Variants in SLF2 observed in about 807,000 individuals in gnomAD.
SLF2 encodes the protein SMC5-SMC6 complex localization factor protein 2.
A neutral mutation model predicts 124.3 loss-of-function variants in SLF2; 68 were observed. The observed-to-expected ratio is 0.55, with a 90% CI of 0.45 to 0.67. The LOEUF (loss-of-function observed/expected upper bound fraction) is 0.67. Ranked by LOEUF, SLF2 falls within the 30% of genes least tolerant of loss-of-function variation. SLF2 has a pLI of 0.00. For synonymous variants in SLF2, 480 were observed against 478.8 expected, an observed-to-expected ratio of 1.00 and a Z score of -0.03; for missense variants, 1,246 against 1,373.7, an observed-to-expected ratio of 0.91 and a Z score of 1.47.
chr10:100,957,330 A>ATATTTTTTT (rs1850349651), intron 18 of SLF2, among the ~76,000 whole-genome samples: 1 of 91,830 alleles, frequency 1.1e-5, no homozygotes, highest in African/African-American at 6.4e-5. Flanking sequence ...GGAGTCTTCA[A>ATATTTTTTT]TTTTTTTTTT....
intron 19 of SLF2, among the ~76,000 whole-genome samples, chr10:100,961,054 G>A (rs1046349807): frequency 6.3e-5 from 7 of 110,970 alleles, no homozygotes; most frequent in African/African-American, 2.4e-4. Flanking sequence ...CTGTCACCCA[G>A]CCTGGAGTGC....
intron 4 of SLF2, among the ~76,000 whole-genome samples, chr10:100,921,505 A>G (rs967405048): frequency 1.3e-5 from 2 of 152,250 alleles, no homozygotes; most frequent in African/African-American, 4.8e-5. Flanking sequence ...GGATACAAAA[A>G]GAATTATGAA....
At position 100,961,905 on chromosome 10, in the gene SLF2, A is replaced by G; in HGVS notation, c.3515A>G (p.Asp1172Gly). The G allele has an allele frequency of 6.2e-7, 1 of 1,608,756 alleles. No individual in the cohort carries two copies. Among genetic ancestry groups the G allele is most frequent in the Admixed American group, 1.7e-5 (1 of 59,894 alleles). The change falls in exon 20 of 20, where the codon GAT becomes GGT. Residue 1172 changes from aspartate to glycine, a missense_variant. Physicochemically the swap from Asp to Gly is moderately conservative, Grantham distance 94 (BLOSUM62 -1). Coordinates refer to ENST00000238961, the MANE Select transcript of SLF2 (RefSeq NM_018121.4). ...QGQLHDFWVP[D>G]S ...CAGCTTCATGACTTCTGGGTACCAGATTCTTAATAGGAGTTGCAGCAGCAA... is the reference window on the plus strand; with the variant it reads ...CAGCTTCATGACTTCTGGGTACCAGGTTCTTAATAGGAGTTGCAGCAGCAA...
intron 17 of SLF2, among the ~76,000 whole-genome samples, chr10:100,955,259 A>C (rs1319608077): frequency 2.0e-5 from 3 of 152,122 alleles, no homozygotes; most frequent in Non-Finnish European, 2.9e-5. Context: ...TCTTAAAAAA[A>C]AAAAAAGTCA....
intron 4 of SLF2, among the ~76,000 whole-genome samples, chr10:100,919,029 T>TTTC (rs1849476432): frequency 1.7e-5 from 2 of 118,830 alleles, no homozygotes; most frequent in African/African-American, 6.1e-5. Context: ...TTTTTTTTTT[T>TTTC]TGAGACAGAG....
chr10:100,921,636 C>T (rs1411939195), intron 4 of SLF2, among the ~76,000 whole-genome samples: 1 of 152,218 alleles, frequency 6.6e-6, no homozygotes, highest in Non-Finnish European at 1.5e-5. Flanking sequence ...TTATCCTAAA[C>T]ATCTTCCACA....
At chr10:100,932,875 G>A (rs1849772050) in intron 9 of SLF2, among the ~76,000 whole-genome samples, 1 of 66,198 alleles carries the variant, frequency 1.5e-5, no homozygotes, top group Non-Finnish European at 4.8e-5. Flanking sequence ...TGCGGTTAAG[G>A]TAAGATCCAA....
intron 15 of SLF2, among the ~76,000 whole-genome samples, chr10:100,948,059 G>A (rs1850138557): frequency 6.6e-6 from 1 of 152,184 alleles, no homozygotes; most frequent in African/African-American, 2.4e-5. Flanking sequence ...CACTTAGGGT[G>A]GTTGTGGACA....
At position 100,964,133 on chromosome 10, in the gene SLF2, C is replaced by G. The variant is rs1850471144; in HGVS notation, c.*2221C>G. On this transcript the variant is annotated 3_prime_UTR_variant, in exon 20 of 20. Transcript: ENST00000238961. ...AAGTATTTTACTTCTCCCTTGAGTCCCCATGCTTTGTCTCCCTCCTGCTGC... is the reference window on the plus strand; with the variant it reads ...AAGTATTTTACTTCTCCCTTGAGTCGCCATGCTTTGTCTCCCTCCTGCTGC... 1 of 152,552 alleles carries G rather than the reference C, an allele frequency of 6.6e-6. No homozygotes were observed. Among genetic ancestry groups the G allele is most frequent in the South Asian group, 2.1e-4 (1 of 4,822 alleles). 9.4% of individuals were successfully genotyped at this position (152,552 alleles called of 1,614,324 possible). A position where few individuals can be genotyped will look rare whatever the true frequency, so the allele number is the denominator to read the frequency against.
chr10:100,958,666 T>C (rs1850374909), intron 18 of SLF2, among the ~76,000 whole-genome samples: 2 of 152,208 alleles, frequency 1.3e-5, no homozygotes, highest in South Asian at 4.1e-4. Flanking sequence ...ATAGAAAAGT[T>C]GGTGATTGTT....
chr10:100,913,510 A>G (rs1849361054), intron 1 of SLF2: 2 of 1,253,000 alleles, frequency 1.6e-6, no homozygotes, highest in South Asian at 3.2e-5. Flanking sequence ...AGGTAGAAAG[A>G]AAGTGATTTT....
intron 3 of SLF2, 110 bp from the exon 4 acceptor site, chr10:100,918,274 G>A: frequency 1.8e-6 from 1 of 570,716 alleles, no homozygotes; most frequent in East Asian, 3.0e-5. Context: ...TCCAAATATG[G>A]GTGCTTGCCT....
chr10:100,940,771 T>TCCCCTGCCCCTGCTCCTG (rs1849957739), intron 11 of SLF2, among the ~76,000 whole-genome samples: 1 of 81,434 alleles, frequency 1.2e-5, no homozygotes, highest in Non-Finnish European at 2.3e-5. Context: ...TTCTCCCCCT[T>TCCCCTGCCCCTGCTCCTG]CCCCTGCCCC....
rs1253192831 is a variant in SLF2 at position 100,963,724 on chromosome 10, TAC to T, written c.*1814_*1815del. ...AATACTGCTTATATTGCTTGTAATT[TAC>T]AGTGTGTAAATATTTTCTAATTGTG... On this transcript the variant is annotated 3_prime_UTR_variant, in exon 20 of 20. Coordinates refer to ENST00000238961, the MANE Select transcript of SLF2 (RefSeq NM_018121.4). 6.6e-6 allele frequency: 1 copy of T among 152,632 alleles called. No individual in the cohort carries two copies. Among genetic ancestry groups the T allele is most frequent in the Non-Finnish European group, 1.5e-5 (1 of 68,036 alleles). The allele number at this position is 152,632 out of a possible 1,614,324, so 9.5% of individuals were successfully genotyped here.
chr10:100,955,031 C>T (rs2133827891), intron 17 of SLF2, among the ~76,000 whole-genome samples: 1 of 151,746 alleles, frequency 6.6e-6, no homozygotes, highest in South Asian at 2.1e-4. Flanking sequence ...GCTCTGCCTC[C>T]CGGGTACACG....
intron 1 of SLF2, chr10:100,913,691 T>C: frequency 1.0e-6 from 1 of 1,001,150 alleles, no homozygotes. Context: ...ACGAATTACT[T>C]TGTAGTCCAG....
At chr10:100,915,890 C>T (rs1849404068) in intron 1 of SLF2, 109 bp from the exon 2 acceptor site, 2 of 871,710 alleles carry the variant, frequency 2.3e-6, no homozygotes, top group African/African-American at 1.7e-5. Context: ...CTTTATTAAA[C>T]CAAATAGTGA....
chr10:100,936,042 G>T (rs1364873319), intron 9 of SLF2, among the ~76,000 whole-genome samples: 1 of 150,898 alleles, frequency 6.6e-6, no homozygotes, highest in Non-Finnish European at 1.5e-5. Flanking sequence ...AAAATTTTTT[G>T]TAGAGGCGGG....
At chr10:100,922,067 T>A (rs996300284) in intron 4 of SLF2, among the ~76,000 whole-genome samples, 1 of 152,158 alleles carries the variant, frequency 6.6e-6, no homozygotes, top group Non-Finnish European at 1.5e-5. Context: ...CAAGTTTGGT[T>A]TTGGCGGGTT....
Sources: gnomAD v4.1 joint callset for allele counts (sites outside exome capture counted in the v4.1 genomes callset) on GRCh38, gnomAD v4.1.1 for gene constraint, MANE v1.5 for transcripts, NCBI Gene and HGNC (gene_info 2026-07-23, HGNC 2026-07-21) for gene names.